Variants in EXOC6B observed in about 807,000 individuals in gnomAD.
EXOC6B encodes SEC15 homolog B.
A neutral mutation model predicts 113.5 loss-of-function variants in EXOC6B; 54 were observed. The ratio of observed to expected loss-of-function variants is 0.48; its 90% CI spans 0.38 to 0.60. EXOC6B has a LOEUF of 0.60. Ranked by LOEUF, EXOC6B falls within the 20% of genes least tolerant of loss-of-function variation. EXOC6B has a pLI of 0.00. For missense variants in EXOC6B, 797 were observed against 977.5 expected (o/e 0.82, Z 2.46); for synonymous variants, 357 against 339.0 (o/e 1.05, Z -0.58).
intron 6 of EXOC6B, among the ~76,000 whole-genome samples, chr2:72,680,712 G>A (rs371990609): frequency 1.3e-5 from 2 of 151,504 alleles, no homozygotes; most frequent in Admixed American, 6.6e-5. Flanking sequence ...GCACTACGGC[G>A]TGGGTGACAG....
chr2:72,796,700 AT>A (rs1353622983), intron 1 of EXOC6B, among the ~76,000 whole-genome samples: 6 of 152,056 alleles, frequency 3.9e-5, no homozygotes, highest in Non-Finnish European at 7.4e-5. Flanking sequence ...AAAAAAAAAA[AT>A]CTTCCTATCC....
intron 17 of EXOC6B, among the ~76,000 whole-genome samples, chr2:72,471,448 G>A (rs1698406767): frequency 6.6e-6 from 1 of 152,084 alleles, no homozygotes; most frequent in African/African-American, 2.4e-5. Flanking sequence ...CTTTTGCTGT[G>A]CAGAAGCTCT....
intron 20 of EXOC6B, among the ~76,000 whole-genome samples, chr2:72,291,396 C>T (rs182201486): frequency 6.6e-6 from 1 of 152,190 alleles, no homozygotes; most frequent in Non-Finnish European, 1.5e-5. Flanking sequence ...TCTTTACATT[C>T]TCCTCCACCT....
chr2:72,287,292 G>A (rs60975798), intron 20 of EXOC6B, among the ~76,000 whole-genome samples: 29,882 of 151,320 alleles, frequency 0.2, 5,047 homozygotes, highest in African/African-American at 0.46. Flanking sequence ...TTAGCCGGGC[G>A]TGGTGTCAGG....
At chr2:72,602,502 T>A (rs993189695) in intron 6 of EXOC6B, among the ~76,000 whole-genome samples, 2 of 152,186 alleles carry the variant, frequency 1.3e-5, no homozygotes, top group African/African-American at 4.8e-5. Context: ...CATATTCACA[T>A]GCCTATCAAT....
At chr2:72,724,343 T>C (rs987561877) in intron 5 of EXOC6B, among the ~76,000 whole-genome samples, 1 of 152,160 alleles carries the variant, frequency 6.6e-6, no homozygotes. Flanking sequence ...GAGTAGATTA[T>C]AGACGGATCA....
At chr2:72,543,388 G>C (rs540402854) in intron 8 of EXOC6B, among the ~76,000 whole-genome samples, 3 of 149,534 alleles carry the variant, frequency 2.0e-5, no homozygotes, top group Non-Finnish European at 2.9e-5. Context: ...TTGAAAAGGA[G>C]TTATCAGATT....
chr2:72,272,757 G>A (rs1684573437), intron 20 of EXOC6B, among the ~76,000 whole-genome samples: 3 of 152,132 alleles, frequency 2.0e-5, no homozygotes, highest in African/African-American at 2.4e-5. Context: ...TGGGCTAGCC[G>A]TGAATAGGAT....
intron 8 of EXOC6B, among the ~76,000 whole-genome samples, chr2:72,548,583 T>C (rs1276001126): frequency 1.3e-5 from 2 of 152,190 alleles, no homozygotes; most frequent in South Asian, 2.1e-4. Flanking sequence ...AGCCCTGATA[T>C]TGTGTAACAG....
At chr2:72,438,158 C>T (rs536088594) in intron 18 of EXOC6B, among the ~76,000 whole-genome samples, 1 of 152,128 alleles carries the variant, frequency 6.6e-6, no homozygotes, top group South Asian at 2.1e-4. Context: ...ACAGACTAAA[C>T]AATGCAAAGG....
intron 20 of EXOC6B, among the ~76,000 whole-genome samples, chr2:72,268,523 T>C (rs1684278817): frequency 6.6e-6 from 1 of 152,154 alleles, no homozygotes. Flanking sequence ...GTACGTAAGT[T>C]GGAAAATATA....
chr2:72,666,802 C>T (rs1045816519), intron 6 of EXOC6B, among the ~76,000 whole-genome samples: 4 of 150,510 alleles, frequency 2.7e-5, no homozygotes, highest in African/African-American at 9.7e-5. Context: ...CACACACACA[C>T]ACACACACAC....
intron 19 of EXOC6B, among the ~76,000 whole-genome samples, chr2:72,369,942 T>C (rs942999752): frequency 2.0e-5 from 3 of 152,166 alleles, no homozygotes; most frequent in African/African-American, 7.2e-5. Flanking sequence ...ATTCAGGACA[T>C]AGGCATGGGC....
intron 19 of EXOC6B, among the ~76,000 whole-genome samples, chr2:72,379,361 T>A (rs1299448834): frequency 6.6e-6 from 1 of 152,224 alleles, no homozygotes; most frequent in Admixed American, 6.5e-5. Context: ...GCATATAAGA[T>A]GTAGCTAGTT....
intron 6 of EXOC6B, among the ~76,000 whole-genome samples, chr2:72,717,572 C>G (rs771398419): frequency 6.6e-6 from 1 of 152,080 alleles, no homozygotes; most frequent in South Asian, 2.1e-4. Context: ...ATTTTTTTAA[C>G]AAATGTATAT....
chr2:72,593,171 C>CTTG (rs997597991), intron 6 of EXOC6B, among the ~76,000 whole-genome samples: 2 of 152,112 alleles, frequency 1.3e-5, no homozygotes, highest in African/African-American at 4.8e-5. Context: ...TCCTCCATAC[C>CTTG]TTGTCCTATG....
In EXOC6B at chr2:72,465,343, T is replaced by C. The variant is rs1276434455; in HGVS notation, c.1801-4A>G. 6.4e-7 allele frequency: 1 copy of C among 1,562,330 alleles called. No individual in the cohort carries two copies. The highest frequency in any genetic ancestry group is 8.7e-7 in the Non-Finnish European group (1 of 1,154,990). ...CTTCAGCTGCATGTCTAGCATCCTG[T>C]GAAAAAATATAAAATTTGAAAAATC... On this transcript the variant is annotated splice_region_variant and splice_polypyrimidine_tract_variant and intron_variant, in intron 17 of 21. Coordinates refer to ENST00000272427, the MANE Select transcript of EXOC6B (RefSeq NM_015189.3).
intron 1 of EXOC6B, among the ~76,000 whole-genome samples, chr2:72,798,912 A>G (rs1464354675): frequency 6.6e-6 from 1 of 152,172 alleles, no homozygotes; most frequent in African/African-American, 2.4e-5. Context: ...ATTTCCAGGT[A>G]TAATTATATG....
chr2:72,338,121 C>T (rs538418800), intron 19 of EXOC6B, among the ~76,000 whole-genome samples: 1 of 152,148 alleles, frequency 6.6e-6, no homozygotes, highest in Admixed American at 6.6e-5. Flanking sequence ...CAGCTTTCCA[C>T]TTAGTAGCTC....
Sources: gnomAD v4.1 joint callset for allele counts (sites outside exome capture counted in the v4.1 genomes callset) on GRCh38, gnomAD v4.1.1 for gene constraint, MANE v1.5 for transcripts, NCBI Gene and HGNC (gene_info 2026-07-23, HGNC 2026-07-21) for gene names.